Variants in USP7 observed in about 807,000 individuals in gnomAD.
USP7 encodes ubiquitin C-terminal hydrolase 7.
Under a neutral mutation model 162.9 loss-of-function variants are expected in USP7, and 9 were observed. The ratio of observed to expected loss-of-function variants is 0.06; its 90% CI spans 0.03 to 0.10. The LOEUF (loss-of-function observed/expected upper bound fraction) is 0.10. USP7 is among the 10% of genes least tolerant of loss of function. The pLI is 1.00. For synonymous variants in USP7, 562 were observed against 475.9 expected (o/e 1.18, Z -2.35); for missense variants, 715 against 1,373.7 (o/e 0.52, Z 7.58).
At chr16:8,924,052 A>C (rs970839288) in intron 2 of USP7, among the ~76,000 whole-genome samples, 1 of 152,202 alleles carries the variant, frequency 6.6e-6, no homozygotes, top group Non-Finnish European at 1.5e-5. Flanking sequence ...AGTAGTATAA[A>C]TTGTTAAATG....
chr16:8,963,062 G>GT (rs1567253653), intron 1 of USP7, 145 bp downstream of exon 1: 1 of 701,678 alleles, frequency 1.4e-6, no homozygotes, highest in Non-Finnish European at 1.9e-6. Context: ...AGCCTCGCAG[G>GT]CCGGGGCCGG....
At position 8,926,840 on chromosome 16, in the gene USP7, C is replaced by T. The variant is rs1162665371; in HGVS notation, c.185-3427G>A. ...AACAAACTTCTACAAACTGGTGTCACCACAAATCCTCAACCAGATTCCTTG... is the reference window on the plus strand; with the variant it reads ...AACAAACTTCTACAAACTGGTGTCATCACAAATCCTCAACCAGATTCCTTG... On this transcript the variant is annotated intron_variant, in intron 2 of 30. Coordinates refer to ENST00000344836, the MANE Select transcript of USP7 (RefSeq NM_003470.3). Among the ~76,000 whole-genome samples the T allele has an allele frequency of 3.3e-5, 5 of 152,204 alleles. No homozygotes were observed. In the East Asian group the frequency reaches 9.6e-4, roughly 29 times the overall value.
chr16:8,894,275 C>T (rs1324265769), intron 30 of USP7, among the ~76,000 whole-genome samples, 171 bp from the exon 31 acceptor site: 1 of 152,218 alleles, frequency 6.6e-6, no homozygotes, highest in African/African-American at 2.4e-5. Context: ...CACACCCTGA[C>T]TGCGCCTCAG....
chr16:8,898,738 G>A (rs1011756131), intron 23 of USP7, 99 bp from the exon 24 acceptor site: 1 of 997,308 alleles, frequency 1.0e-6, no homozygotes, highest in Non-Finnish European at 1.4e-6. Context: ...CCTTACACCT[G>A]GTCTTGAAAT....
intron 1 of USP7, among the ~76,000 whole-genome samples, chr16:8,959,820 T>A (rs575487891): frequency 6.6e-6 from 1 of 151,818 alleles, no homozygotes; most frequent in South Asian, 2.1e-4. Context: ...ACCACCCCCG[T>A]AACAAAAAAC....
intron 2 of USP7, chr16:8,929,324 A>G (rs1266576331): frequency 2.8e-6 from 1 of 363,414 alleles, no homozygotes; most frequent in East Asian, 7.5e-5. Context: ...TGGAAAGCGC[A>G]CTCCACAGGT....
chr16:8,916,368 T>C (rs577310840), intron 8 of USP7, 134 bp downstream of exon 8: 15 of 905,170 alleles, frequency 1.7e-5, no homozygotes, highest in Non-Finnish European at 2.4e-5. Context: ...TGCTGCCTTT[T>C]TGTAGCCTAA....
chr16:8,905,142 A>G (rs201390988), intron 14 of USP7, 45 bp downstream of exon 14: 4 of 1,594,876 alleles, frequency 2.5e-6, no homozygotes, highest in African/African-American at 1.3e-5. Context: ...ACAAATGTCC[A>G]AGTCCACCAC....
intron 1 of USP7, 81 bp downstream of exon 1, chr16:8,963,126 C>T: frequency 1.6e-6 from 2 of 1,252,244 alleles, no homozygotes; most frequent in Non-Finnish European, 2.0e-6. Context: ...GATGGCGAGC[C>T]CCTCGCGTGG....
chr16:8,910,769 G>A lies in USP7; in HGVS notation c.1137C>T (p.Tyr379=), dbSNP rs35018235. 241 of 1,613,984 alleles carry A rather than the reference G, an allele frequency of 1.5e-4. 1 individual carries two copies. The highest frequency in any genetic ancestry group is 1.5e-4 in the African/African-American group (11 of 74,934). Residue 379 remains tyrosine, a synonymous_variant, in exon 11 of 31, where the codon TAC becomes TAT. Coordinates refer to ENST00000344836, the MANE Select transcript of USP7 (RefSeq NM_003470.3). ...AVEQLDGDNK[Y]DAGEHGLQEA... ...CCTGTAAGCCATGTTCCCCAGCGTC[G>A]TATTTATTGTCCCCATCGAGCTGTT...
In USP7 at chr16:8,896,895, C is replaced by T. The variant is rs369363342; in HGVS notation, c.2819+104G>A. 26 of 862,142 alleles carry T rather than the reference C, an allele frequency of 3.0e-5. 1 individual carries two copies. The highest frequency in any genetic ancestry group is 4.5e-5 in the Non-Finnish European group (23 of 508,270). The allele number at this position is 862,142 out of a possible 1,614,324, so 53.4% of individuals were successfully genotyped here. On this transcript the variant is annotated intron_variant, in intron 26 of 30. Transcript: ENST00000344836. The stretch of plus-strand genomic sequence containing the variant: ...CACCCCACTGAGTCTGGGAATGACG[C>T]GCATGGATCCCAGCTGGGTGATTTC...
intron 10 of USP7, among the ~76,000 whole-genome samples, chr16:8,912,223 A>G: frequency 6.6e-6 from 1 of 152,100 alleles, no homozygotes; most frequent in South Asian, 2.1e-4. Flanking sequence ...AGGCAGAGGT[A>G]CGTGGATCGC....
In USP7 at chr16:8,895,745, A is replaced by T. The variant is rs1229719943; in HGVS notation, c.2820-4T>A. ...GTAGCTTACAATTTCTAGCAGCCTGAACAGAGAGGAAAAAAAAATAGGGCA... is the reference window on the plus strand; with the variant it reads ...GTAGCTTACAATTTCTAGCAGCCTGTACAGAGAGGAAAAAAAAATAGGGCA... On this transcript the variant is annotated splice_polypyrimidine_tract_variant and splice_region_variant and intron_variant, in intron 26 of 30. Transcript: ENST00000344836. 1 of 1,596,818 alleles carries T rather than the reference A, an allele frequency of 6.3e-7. No homozygotes were observed. Among genetic ancestry groups the T allele is most frequent in the South Asian group, 1.1e-5 (1 of 87,920 alleles).
intron 1 of USP7, among the ~76,000 whole-genome samples, chr16:8,961,666 G>C (rs1900021335): frequency 6.6e-6 from 1 of 152,166 alleles, no homozygotes; most frequent in Non-Finnish European, 1.5e-5. Context: ...AAATCCATAT[G>C]CTCGTGTTAT....
chr16:8,921,123 A>G lies in USP7; in HGVS notation c.522+34T>C, dbSNP rs374478291. 3.1e-6 allele frequency: 5 copies of G among 1,607,554 alleles called. No individual in the cohort carries two copies. The African/African-American group carries it at 6.7e-5, about 21-fold the overall frequency. On this transcript the variant is annotated intron_variant, in intron 4 of 30. Coordinates refer to ENST00000344836, the MANE Select transcript of USP7 (RefSeq NM_003470.3). Reference sequence around the variant, plus strand: ...TTAAGGGAACAACAAGCAGTAATGCACCAATTGTTCAGACTAAATACACTG... The same window carrying G: ...TTAAGGGAACAACAAGCAGTAATGCGCCAATTGTTCAGACTAAATACACTG...
intron 1 of USP7, among the ~76,000 whole-genome samples, chr16:8,955,230 A>G (rs1462369187): frequency 1.3e-5 from 2 of 152,314 alleles, no homozygotes; most frequent in East Asian, 3.9e-4. Flanking sequence ...TTTACATATT[A>G]ATCTGTTTGC....
At chr16:8,960,895 A>G (rs910981815) in intron 1 of USP7, among the ~76,000 whole-genome samples, 1 of 152,306 alleles carries the variant, frequency 6.6e-6, no homozygotes, top group Non-Finnish European at 1.5e-5. Context: ...GGGCACTATT[A>G]TTTGTCCACA....
intron 1 of USP7, among the ~76,000 whole-genome samples, chr16:8,955,957 A>C (rs1002107145): frequency 6.6e-6 from 1 of 152,160 alleles, no homozygotes; most frequent in African/African-American, 2.4e-5. Context: ...AGAGACAGCC[A>C]GATGTCAGAT....
chr16:8,948,343 T>G (rs1355553488), intron 1 of USP7, among the ~76,000 whole-genome samples: 1 of 152,128 alleles, frequency 6.6e-6, no homozygotes. Flanking sequence ...CCATCATGGC[T>G]GACTAATTTT....
Sources: gnomAD v4.1 joint callset for allele counts (sites outside exome capture counted in the v4.1 genomes callset) on GRCh38, gnomAD v4.1.1 for gene constraint, MANE v1.5 for transcripts, NCBI Gene and HGNC (gene_info 2026-07-23, HGNC 2026-07-21) for gene names.